The following CLVS1 variants were observed in gnomAD, a reference collection of about 807,000 sequenced individuals.
CLVS1 encodes the protein clavesin-1.
In CLVS1, 10 loss-of-function variants were observed where a neutral mutation model predicts 33.1. The ratio of observed to expected loss-of-function variants is 0.30; its 90% CI spans 0.19 to 0.51. CLVS1 has a LOEUF of 0.51. Ranked by LOEUF, CLVS1 falls within the 20% of genes least tolerant of loss-of-function variation. CLVS1 has a pLI of 0.97. For missense variants in CLVS1, 343 were observed against 433.4 expected (o/e 0.79, Z 1.85); for synonymous variants, 163 against 166.1 (o/e 0.98, Z 0.14).
the CLVS1 span, among the ~76,000 whole-genome samples, chr8:61,032,486 T>C: frequency 6.6e-6 from 1 of 152,192 alleles, no homozygotes; most frequent in Non-Finnish European, 1.5e-5. Context: ...GTAATGCATG[T>C]AAAGCAGCCC....
intron 3 of CLVS1, among the ~76,000 whole-genome samples, chr8:61,429,379 C>T (rs989838993): frequency 4.1e-5 from 6 of 146,844 alleles, no homozygotes; most frequent in South Asian, 4.3e-4. Context: ...GAGATTGTGC[C>T]GCTGCACTCT....
At chr8:61,469,468 T>G (rs1252317087) in intron 5 of CLVS1, among the ~76,000 whole-genome samples, 1 of 152,198 alleles carries the variant, frequency 6.6e-6, no homozygotes, top group Non-Finnish European at 1.5e-5. Flanking sequence ...TAAATTCAAA[T>G]TTCTGAGCCA....
intron 3 of CLVS1, among the ~76,000 whole-genome samples, chr8:61,389,049 G>T (rs117490054): frequency 6.6e-6 from 1 of 152,088 alleles, no homozygotes; most frequent in South Asian, 2.1e-4. Flanking sequence ...TTTATTTTCT[G>T]TGCCTGGCAC....
At chr8:61,097,910 C>T (rs533777893) in intron 1 of CLVS1, among the ~76,000 whole-genome samples, 7 of 152,124 alleles carry the variant, frequency 4.6e-5, no homozygotes, top group African/African-American at 1.7e-4. Flanking sequence ...TGTTGATATC[C>T]CTAAAAGTTC....
At chr8:61,425,619 C>T (rs554636018) in intron 3 of CLVS1, among the ~76,000 whole-genome samples, 19 of 152,244 alleles carry the variant, frequency 1.2e-4, no homozygotes, top group South Asian at 8.3e-4. Context: ...GTACTCCCCT[C>T]CCCTAGCCCC....
At chr8:61,300,309 G>T (rs1450419157) in intron 2 of CLVS1, 27 bp downstream of exon 2, 21 of 1,572,456 alleles carry the variant, frequency 1.3e-5, no homozygotes, top group Non-Finnish European at 1.8e-5. Context: ...TCTTTACTTG[G>T]TTTTTCTTTG....
At chr8:61,238,610 A>G (rs1808621016) in intron 2 of CLVS1, among the ~76,000 whole-genome samples, 1 of 152,164 alleles carries the variant, frequency 6.6e-6, no homozygotes, top group Non-Finnish European at 1.5e-5. Flanking sequence ...TAGAGGGCCC[A>G]CCCACACTTG....
intron 2 of CLVS1, among the ~76,000 whole-genome samples, chr8:61,349,573 G>T (rs1812363626): frequency 6.6e-6 from 1 of 151,820 alleles, no homozygotes; most frequent in South Asian, 2.1e-4. Context: ...TACCAGGAAG[G>T]TTTTTTTGTT....
intron 1 of CLVS1, among the ~76,000 whole-genome samples, chr8:61,290,916 A>G (rs1809965410): frequency 6.6e-6 from 1 of 152,202 alleles, no homozygotes; most frequent in African/African-American, 2.4e-5. Flanking sequence ...AGTTGTTTCA[A>G]AAGAAGGTCC....
chr8:61,043,157 C>T, the CLVS1 span, among the ~76,000 whole-genome samples: 1 of 152,212 alleles, frequency 6.6e-6, no homozygotes, highest in Non-Finnish European at 1.5e-5. Context: ...GGTCCGCAGA[C>T]CAACAGATGG....
At chr8:61,424,110 T>G (rs1365062058) in intron 3 of CLVS1, among the ~76,000 whole-genome samples, 1 of 152,190 alleles carries the variant, frequency 6.6e-6, no homozygotes, top group Non-Finnish European at 1.5e-5. Context: ...CAGATAAACC[T>G]GTTAGCAAGT....
chr8:61,174,303 CTGTATTCTG>C (rs1229337402), intron 2 of CLVS1, among the ~76,000 whole-genome samples: 9 of 152,228 alleles, frequency 5.9e-5, no homozygotes, highest in African/African-American at 1.9e-4. Context: ...GACACTAAAA[CTGTATTCTG>C]TGTATTCAAA....
the CLVS1 span, among the ~76,000 whole-genome samples, chr8:61,043,065 G>A: frequency 6.6e-6 from 1 of 152,184 alleles, no homozygotes; most frequent in Non-Finnish European, 1.5e-5. Context: ...CCATCATCAT[G>A]TCCCTGTTAG....
At chr8:61,260,526 C>T (rs1206667386) in intron 2 of CLVS1, among the ~76,000 whole-genome samples, 2 of 152,156 alleles carry the variant, frequency 1.3e-5, no homozygotes, top group East Asian at 3.9e-4. Context: ...ATCTCCTCTC[C>T]ACCTCTCCAT....
intron 2 of CLVS1, among the ~76,000 whole-genome samples, chr8:61,212,311 G>A (rs1382276457): frequency 2.0e-5 from 3 of 152,192 alleles, no homozygotes; most frequent in Non-Finnish European, 4.4e-5. Context: ...CGGCAACAGA[G>A]GTAGGCAGTG....
chr8:61,296,434 G>T (rs1181944542), intron 1 of CLVS1, among the ~76,000 whole-genome samples: 4 of 152,176 alleles, frequency 2.6e-5, no homozygotes, highest in Admixed American at 6.5e-5. Context: ...TGAACTGTAA[G>T]GTAAGTAACT....
intron 2 of CLVS1, among the ~76,000 whole-genome samples, chr8:61,144,224 C>G (rs12541340): frequency 0.18 from 26,980 of 151,952 alleles, 2,512 homozygotes; most frequent in Admixed American, 0.26. Context: ...CAACAGGCCC[C>G]GGTGTGTGAT....
intron 1 of CLVS1, among the ~76,000 whole-genome samples, chr8:61,291,321 G>A (rs1809983562): frequency 6.6e-6 from 1 of 152,182 alleles, no homozygotes; most frequent in Admixed American, 6.5e-5. Flanking sequence ...TTCTCCACAT[G>A]TGTTTGAGAT....
At position 61,067,984 on chromosome 8, in the gene CLVS1, A is replaced by G. The variant is rs1479814863; in HGVS notation, c.-243+10754A>G. Among the ~76,000 whole-genome samples, 6 of 118,838 alleles carry G rather than the reference A, an allele frequency of 5.0e-5. No homozygotes were observed. The Admixed American group carries it at 5.2e-4, about 10-fold the overall frequency. The allele number at this position is 118,838 out of a possible 152,430, so 78.0% of individuals were successfully genotyped here. On this transcript the variant is annotated intron_variant, in intron 1 of 2. Coordinates refer to the CLVS1 transcript ENST00000522621. Reference sequence around the variant, plus strand: ...CCCCCTAAATCTAAAACGAAACTTGATATTGAGAGAGAGAGAGAGAGAGAC... The same window carrying G: ...CCCCCTAAATCTAAAACGAAACTTGGTATTGAGAGAGAGAGAGAGAGAGAC...
Sources: allele counts gnomAD v4.1 joint callset (sites outside exome capture counted in the v4.1 genomes callset), GRCh38; gene constraint gnomAD v4.1.1; transcripts MANE v1.5; gene names NCBI Gene and HGNC (gene_info 2026-07-23, HGNC 2026-07-21).